The following DIP2C variants were observed in gnomAD, a reference collection of about 807,000 sequenced individuals.
The protein encoded by DIP2C is DIP2 acetate--CoA ligase C (putative), also known as disco-interacting protein 2 homolog C.
Under a neutral mutation model 192.4 loss-of-function variants are expected in DIP2C, and 33 were observed. The ratio of observed to expected loss-of-function variants is 0.17; its 90% CI spans 0.13 to 0.23. DIP2C has a LOEUF of 0.23. DIP2C is among the 10% of genes least tolerant of loss of function. DIP2C has a pLI of 1.00. For synonymous variants in DIP2C, 979 were observed against 864.1 expected, an observed-to-expected ratio of 1.13 and a Z score of -2.33; for missense variants, 1,537 against 2,110.1, an observed-to-expected ratio of 0.73 and a Z score of 5.32.
chr10:680,790 C>A (rs950136296), intron 1 of DIP2C, among the ~76,000 whole-genome samples: 5 of 152,322 alleles, frequency 3.3e-5, no homozygotes, highest in Admixed American at 3.3e-4. Context: ...CAAGAACTGC[C>A]GCTCTGTGTC....
intron 31 of DIP2C, 25 bp from the exon 32 acceptor site, chr10:310,117 A>C: frequency 6.2e-7 from 1 of 1,609,640 alleles, no homozygotes; most frequent in African/African-American, 1.3e-5. Context: ...AGAGTGGTTA[A>C]CTCAAGTTTA....
intron 7 of DIP2C, 59 bp downstream of exon 7, chr10:415,710 C>G: frequency 6.3e-7 from 1 of 1,579,292 alleles, no homozygotes; most frequent in Admixed American, 1.8e-5. Flanking sequence ...AAAAAAATAT[C>G]ATTGTTTACG....
intron 1 of DIP2C, among the ~76,000 whole-genome samples, chr10:580,413 G>C (rs1850551416): frequency 6.6e-6 from 1 of 152,144 alleles, no homozygotes; most frequent in African/African-American, 2.4e-5. Context: ...CCCATATGGT[G>C]TATGTACACA....
intron 1 of DIP2C, among the ~76,000 whole-genome samples, chr10:510,836 A>G (rs941221829): frequency 5.9e-5 from 9 of 152,160 alleles, no homozygotes; most frequent in African/African-American, 2.2e-4. Context: ...AAGATCAGGG[A>G]TATCTAAATT....
At chr10:439,957 T>C (rs575320973) in intron 4 of DIP2C, among the ~76,000 whole-genome samples, 263 of 152,300 alleles carry the variant, frequency 1.7e-3, no homozygotes, top group Admixed American at 3.5e-3. Context: ...GTGATTTAGG[T>C]CCTTTGAGAA....
intron 1 of DIP2C, among the ~76,000 whole-genome samples, chr10:603,838 G>A (rs1483591612): frequency 1.3e-5 from 2 of 152,154 alleles, no homozygotes; most frequent in East Asian, 1.9e-4. Context: ...CTGCATTCCT[G>A]CCTGGAGTCT....
chr10:331,298 T>C (rs1177350355), intron 29 of DIP2C, among the ~76,000 whole-genome samples: 1 of 152,222 alleles, frequency 6.6e-6, no homozygotes, highest in Non-Finnish European at 1.5e-5. Context: ...ACAAAATTTA[T>C]TTCAAACGGG....
At chr10:347,709 G>T (rs199950657) in intron 26 of DIP2C, among the ~76,000 whole-genome samples, 31 of 76,384 alleles carry the variant, frequency 4.1e-4, no homozygotes, top group Non-Finnish European at 6.1e-4. Context: ...AACCCCACAC[G>T]CACCCAACCC....
At position 446,957 on chromosome 10, in the gene DIP2C, T is replaced by A. The variant is rs963567095; in HGVS notation, c.269-5961A>T. ...AACTCAACTGGTTGTGATATTCATA[T>A]CCCTTTTACATATTTTGGGTTTGAT... On this transcript the variant is annotated intron_variant, in intron 3 of 36. Coordinates refer to ENST00000280886, the MANE Select transcript of DIP2C (RefSeq NM_014974.3). Among the ~76,000 whole-genome samples the A allele has an allele frequency of 3.9e-5, 6 of 152,234 alleles. No individual in the cohort carries two copies. In the East Asian group the frequency reaches 1.2e-3, roughly 29 times the overall value.
intron 2 of DIP2C, among the ~76,000 whole-genome samples, chr10:485,818 T>C (rs1843972925): frequency 6.6e-6 from 1 of 152,222 alleles, no homozygotes; most frequent in South Asian, 2.1e-4. Flanking sequence ...TACCAAATTT[T>C]CAAGGTCGCT....
At chr10:542,776 T>TA (rs1178576978) in intron 1 of DIP2C, among the ~76,000 whole-genome samples, 1 of 151,672 alleles carries the variant, frequency 6.6e-6, no homozygotes, top group African/African-American at 2.4e-5. Context: ...TCCCTCTCTA[T>TA]ACCACAGGTC....
chr10:506,679 TCCC>T (rs939762212), intron 1 of DIP2C, among the ~76,000 whole-genome samples: 1 of 152,096 alleles, frequency 6.6e-6, no homozygotes, highest in South Asian at 2.1e-4. Context: ...CTGCCTCCTA[TCCC>T]CCAACACACA....
rs1853689642 is a variant in DIP2C, at chr10:619,395, G to A, written c.85+70099C>T. Among the ~76,000 whole-genome samples the A allele has an allele frequency of 2.0e-5, 3 of 152,188 alleles. No individual in the cohort carries two copies. The South Asian group carries it at 6.2e-4, about 31-fold the overall frequency. Reference sequence around the variant, plus strand: ...AGCGACCGTCTCCTTGCCTCCCTCAGCCTCTAGAGGCTTCCGCATCCCCTG... The same window carrying A: ...AGCGACCGTCTCCTTGCCTCCCTCAACCTCTAGAGGCTTCCGCATCCCCTG... On this transcript the variant is annotated intron_variant, in intron 1 of 36. Transcript: ENST00000280886.
chr10:558,673 A>C (rs1849036952), intron 1 of DIP2C, among the ~76,000 whole-genome samples: 1 of 152,208 alleles, frequency 6.6e-6, no homozygotes, highest in South Asian at 2.1e-4. Context: ...GTGTGGACCA[A>C]CATCTCGGAA....
At chr10:483,063 C>T (rs1243622107) in intron 2 of DIP2C, among the ~76,000 whole-genome samples, 2 of 152,182 alleles carry the variant, frequency 1.3e-5, no homozygotes, top group Admixed American at 6.5e-5. Flanking sequence ...TTCTGAATCC[C>T]GACTGGAGGC....
At chr10:385,985 G>A (rs1045456622) in intron 14 of DIP2C, among the ~76,000 whole-genome samples, 1 of 152,162 alleles carries the variant, frequency 6.6e-6, no homozygotes, top group Non-Finnish European at 1.5e-5. Context: ...ATGTGACAGT[G>A]GAGAGACTCG....
chr10:555,633 G>C (rs1848811138), intron 1 of DIP2C, among the ~76,000 whole-genome samples: 1 of 152,190 alleles, frequency 6.6e-6, no homozygotes, highest in Non-Finnish European at 1.5e-5. Flanking sequence ...GGTATCTGGG[G>C]ACCAGCCACG....
chr10:362,058 G>A lies in DIP2C; in HGVS notation c.2794+432C>T, dbSNP rs539127624. ...AACACCAGAGACCATGAGAACAATG[G>A]TGTGGGGGAAAAAAAAAAGAAATGG... On this transcript the variant is annotated intron_variant, in intron 22 of 36. Coordinates refer to ENST00000280886, the MANE Select transcript of DIP2C (RefSeq NM_014974.3). Among the ~76,000 whole-genome samples, 6 of 151,932 alleles carry A rather than the reference G, an allele frequency of 3.9e-5. No homozygotes were observed. In the South Asian group the frequency reaches 1.0e-3, roughly 26 times the overall value.
intron 1 of DIP2C, among the ~76,000 whole-genome samples, chr10:583,925 G>A (rs1409621806): frequency 1.3e-5 from 2 of 152,190 alleles, no homozygotes; most frequent in African/African-American, 4.8e-5. Flanking sequence ...CTGTAATGAC[G>A]CAGAAGGAGA....
Sources: allele counts gnomAD v4.1 joint callset (sites outside exome capture counted in the v4.1 genomes callset), GRCh38; gene constraint gnomAD v4.1.1; transcripts MANE v1.5; gene names NCBI Gene and HGNC (gene_info 2026-07-23, HGNC 2026-07-21).